Variants in CHSY3 observed in about 807,000 individuals in gnomAD.
CHSY3 encodes the protein N-acetylgalactosaminyl-proteoglycan 3-beta-glucuronosyltransferase 3.
In CHSY3, 35 loss-of-function variants were observed where a neutral mutation model predicts 67.2. That is an observed-to-expected ratio of 0.52 (90% CI 0.40 to 0.69). CHSY3 has a LOEUF of 0.69. Ranked by LOEUF, CHSY3 falls within the 30% of genes least tolerant of loss-of-function variation. The pLI is 0.00. For missense variants in CHSY3, 1,069 were observed against 1,138.5 expected, an observed-to-expected ratio of 0.94 and a Z score of 0.88; for synonymous variants, 474 against 434.7, an observed-to-expected ratio of 1.09 and a Z score of -1.12.
At chr5:129,961,477 C>T (rs1361426804) in intron 2 of CHSY3, among the ~76,000 whole-genome samples, 1 of 151,898 alleles carries the variant, frequency 6.6e-6, no homozygotes, top group East Asian at 1.9e-4. Context: ...GATGATCATC[C>T]ATTTCTTTTT....
intron 2 of CHSY3, among the ~76,000 whole-genome samples, chr5:130,081,373 A>G (rs180866718): frequency 2.3e-4 from 35 of 149,148 alleles, no homozygotes; most frequent in Non-Finnish European, 4.3e-4. Flanking sequence ...GGGAGGTCAG[A>G]AAGACCTTGA....
chr5:129,905,133 C>A lies in CHSY3; in HGVS notation c.304C>A (p.Pro102Thr). 2 of 1,534,550 alleles carry A rather than the reference C, an allele frequency of 1.3e-6. No homozygotes were observed. The highest frequency in any genetic ancestry group is 2.5e-5 in the East Asian group (1 of 40,632). ...APGITSFRSS[P>T]WQQPPPLQQR... ...CGGGATCACCAGTTTTCGAAGCAGC[C>A]CCTGGCAGCAGCCACCTCCGCTGCA... Residue 102 changes from proline (P) to threonine (T), a missense_variant, in exon 1 of 3, where the codon CCC becomes ACC. By Grantham distance (38) the Pro-to-Thr change is conservative (BLOSUM62 -1). This residue lies in a region of CHSY3 where 309 missense variants were observed against 262.5 expected (regional missense o/e 1.18). Coordinates refer to ENST00000305031, the MANE Select transcript of CHSY3 (RefSeq NM_175856.5).
At chr5:129,914,140 C>T (rs1159399206) in intron 2 of CHSY3, among the ~76,000 whole-genome samples, 2 of 152,060 alleles carry the variant, frequency 1.3e-5, no homozygotes, top group African/African-American at 4.8e-5. Flanking sequence ...CACAGAGTTT[C>T]ACTCTTGTCG....
At chr5:129,932,136 A>ATGTATG (rs1402052710) in intron 2 of CHSY3, among the ~76,000 whole-genome samples, 154 of 95,706 alleles carry the variant, frequency 1.6e-3, no homozygotes, top group African/African-American at 5.1e-3. Context: ...ATATATATAT[A>ATGTATG]TATATATGTA....
intron 2 of CHSY3, among the ~76,000 whole-genome samples, chr5:129,956,957 G>T (rs1468960895): frequency 6.6e-6 from 1 of 151,900 alleles, no homozygotes; most frequent in Non-Finnish European, 1.5e-5. Context: ...GCTATTTTTG[G>T]TTTCATATTA....
intron 2 of CHSY3, among the ~76,000 whole-genome samples, chr5:129,971,344 T>A (rs1762635545): frequency 6.6e-6 from 1 of 151,726 alleles, no homozygotes; most frequent in South Asian, 2.1e-4. Flanking sequence ...TAATAATAAA[T>A]ATGAGGTTGG....
chr5:129,977,886 A>G (rs1372076059), intron 2 of CHSY3, among the ~76,000 whole-genome samples: 1 of 151,896 alleles, frequency 6.6e-6, no homozygotes, highest in Admixed American at 6.6e-5. Flanking sequence ...AAAAAAAACT[A>G]ATAGCTTACT....
intron 2 of CHSY3, among the ~76,000 whole-genome samples, chr5:130,005,316 G>C (rs968379089): frequency 2.0e-5 from 3 of 152,062 alleles, no homozygotes; most frequent in Non-Finnish European, 4.4e-5. Flanking sequence ...TCGGGAGGCT[G>C]AGGCAGGAGA....
chr5:130,050,855 G>A (rs564740305), intron 2 of CHSY3, among the ~76,000 whole-genome samples: 34 of 152,108 alleles, frequency 2.2e-4, no homozygotes, highest in African/African-American at 7.9e-4. Flanking sequence ...CATGAAACAC[G>A]TTTATTTGTC....
intron 2 of CHSY3, among the ~76,000 whole-genome samples, chr5:129,959,554 C>A (rs939416109): frequency 6.6e-6 from 1 of 151,920 alleles, no homozygotes; most frequent in African/African-American, 2.4e-5. Context: ...ATTTCAATAT[C>A]GTTAAATAGG....
chr5:130,092,761 G>C (rs1373229570), intron 2 of CHSY3, among the ~76,000 whole-genome samples: 1 of 152,146 alleles, frequency 6.6e-6, no homozygotes, highest in African/African-American at 2.4e-5. Flanking sequence ...AGAGGAGATG[G>C]GAGATCAGTC....
chr5:130,185,665 C>T lies in CHSY3; in HGVS notation c.2523C>T (p.Asn841=), dbSNP rs763875798. 6.2e-7 allele frequency: 1 copy of T among 1,614,086 alleles called. No homozygotes were observed. Among genetic ancestry groups the T allele is most frequent in the Non-Finnish European group, 8.5e-7 (1 of 1,179,968 alleles). ...HIFHPVHCDP[N]LDPKQYKMCL... is the part of the protein sequence containing the mutation. ...TCCATCCAGTTCATTGTGATCCTAA[C>T]TTGGACCCTAAGCAGTATAAGATGT... The change falls in exon 3 of 3, where the codon AAC becomes AAT. Residue 841 remains asparagine, a synonymous_variant. Transcript: ENST00000305031.
chr5:130,005,287 A>T (rs1375198513), intron 2 of CHSY3, among the ~76,000 whole-genome samples: 1 of 151,810 alleles, frequency 6.6e-6, no homozygotes, highest in Non-Finnish European at 1.5e-5. Context: ...TGGTGGCATG[A>T]GCCTGTAGTC....
intron 2 of CHSY3, among the ~76,000 whole-genome samples, chr5:129,992,700 T>C (rs1763404462): frequency 1.3e-5 from 2 of 152,182 alleles, no homozygotes; most frequent in South Asian, 4.1e-4. Context: ...ATGATGTGCT[T>C]TATGGCAAGA....
At chr5:130,163,008 A>G (rs766625201) in intron 2 of CHSY3, among the ~76,000 whole-genome samples, 19 of 152,060 alleles carry the variant, frequency 1.2e-4, no homozygotes, top group Non-Finnish European at 2.6e-4. Flanking sequence ...GCAAATCAGC[A>G]CTCTGGGATG....
intron 2 of CHSY3, among the ~76,000 whole-genome samples, chr5:130,106,947 C>G (rs903247904): frequency 6.6e-6 from 1 of 151,458 alleles, no homozygotes; most frequent in African/African-American, 2.4e-5. Context: ...ACCTTTTTGA[C>G]AATTTGTTAT....
intron 2 of CHSY3, among the ~76,000 whole-genome samples, chr5:130,118,204 A>G (rs1767882252): frequency 6.6e-6 from 1 of 152,142 alleles, no homozygotes; most frequent in Non-Finnish European, 1.5e-5. Context: ...TTCCTTATAA[A>G]TTACCCAGCC....
intron 2 of CHSY3, among the ~76,000 whole-genome samples, chr5:130,074,588 G>T (rs1766191508): frequency 6.6e-6 from 1 of 152,092 alleles, no homozygotes; most frequent in African/African-American, 2.4e-5. Flanking sequence ...ACTTATGAAA[G>T]ATCCAACTAT....
intron 2 of CHSY3, among the ~76,000 whole-genome samples, chr5:129,937,138 T>C (rs200599517): frequency 6.6e-6 from 1 of 152,168 alleles, no homozygotes; most frequent in East Asian, 1.9e-4. Flanking sequence ...AAGACATACC[T>C]GAAGCTGGGT....
Sources: gnomAD v4.1 joint callset for allele counts (sites outside exome capture counted in the v4.1 genomes callset) on GRCh38, gnomAD v4.1.1 for gene constraint, gnomAD v4.1.1 regional missense constraint, MANE v1.5 for transcripts, NCBI Gene and HGNC (gene_info 2026-07-23, HGNC 2026-07-21) for gene names.